Variants in SENP7 observed in about 807,000 individuals in gnomAD.
The protein encoded by SENP7 is SUMO specific peptidase 7.
Under a neutral mutation model 141.2 loss-of-function variants are expected in SENP7, and 64 were observed. The observed-to-expected ratio is 0.45, with a 90% CI of 0.37 to 0.56. SENP7 has a LOEUF of 0.56. Ranked by LOEUF, SENP7 falls within the 20% of genes least tolerant of loss-of-function variation. The pLI is 0.00. For synonymous variants in SENP7, 382 were observed against 426.4 expected (o/e 0.90, Z 1.28); for missense variants, 1,025 against 1,212.2 (o/e 0.85, Z 2.29).
intron 6 of SENP7, among the ~76,000 whole-genome samples, chr3:101,378,925 C>G (rs1270640965): frequency 6.6e-6 from 1 of 151,806 alleles, no homozygotes; most frequent in African/African-American, 2.4e-5. Flanking sequence ...GAAAAAAAAC[C>G]TACCAATAAA....
intron 4 of SENP7, among the ~76,000 whole-genome samples, chr3:101,440,581 T>TAAAAAAAAAA (rs58673443): frequency 1.6e-5 from 2 of 124,910 alleles, no homozygotes; most frequent in Non-Finnish European, 1.7e-5. Flanking sequence ...AAAAATAAAT[T>TAAAAAAAAAA]AAAAAAAAAA....
intron 11 of SENP7, among the ~76,000 whole-genome samples, chr3:101,356,053 T>C (rs2059734099): frequency 6.6e-6 from 1 of 152,312 alleles, no homozygotes; most frequent in East Asian, 1.9e-4. Flanking sequence ...TTTTTTTTAA[T>C]GTACTGCATT....
At chr3:101,443,617 T>C (rs939325449) in intron 4 of SENP7, among the ~76,000 whole-genome samples, 3 of 151,620 alleles carry the variant, frequency 2.0e-5, no homozygotes, top group African/African-American at 7.3e-5. Flanking sequence ...GTATCCTCTT[T>C]TATTTCATTG....
At chr3:101,348,953 A>T (rs1435593558) in intron 12 of SENP7, among the ~76,000 whole-genome samples, 1 of 152,118 alleles carries the variant, frequency 6.6e-6, no homozygotes, top group African/African-American at 2.4e-5. Context: ...TCCCAGCATT[A>T]TTTCCTAGAA....
intron 6 of SENP7, among the ~76,000 whole-genome samples, chr3:101,380,705 T>C (rs773216604): frequency 1.9e-4 from 28 of 145,958 alleles, no homozygotes; most frequent in Non-Finnish European, 3.6e-4. Flanking sequence ...TAAAGAAAAA[T>C]AGTAGTATAA....
At chr3:101,511,075 G>A (rs1283424736) in intron 1 of SENP7, among the ~76,000 whole-genome samples, 2 of 152,082 alleles carry the variant, frequency 1.3e-5, no homozygotes, top group East Asian at 3.8e-4. Flanking sequence ...AGAACAGCTA[G>A]GTAACATTAG....
chr3:101,381,011 G>A (rs899115935), intron 6 of SENP7, among the ~76,000 whole-genome samples: 4 of 152,158 alleles, frequency 2.6e-5, no homozygotes, highest in Non-Finnish European at 5.9e-5. Flanking sequence ...TGCATGCCAT[G>A]TAATACATAT....
intron 4 of SENP7, among the ~76,000 whole-genome samples, chr3:101,443,127 T>A (rs1219980448): frequency 6.6e-6 from 1 of 152,174 alleles, no homozygotes; most frequent in East Asian, 1.9e-4. Flanking sequence ...GATTTTTGTA[T>A]AAGGTGTAAG....
At chr3:101,357,069 C>T (rs1026133021) in intron 11 of SENP7, among the ~76,000 whole-genome samples, 2 of 151,860 alleles carry the variant, frequency 1.3e-5, no homozygotes, top group Non-Finnish European at 2.9e-5. Context: ...GGCGCAATCT[C>T]GGCTCACTGC....
chr3:101,444,916 ATAAAAAT>A (rs1350260561), intron 4 of SENP7, among the ~76,000 whole-genome samples: 1 of 151,164 alleles, frequency 6.6e-6, no homozygotes, highest in African/African-American at 2.5e-5. Flanking sequence ...GAATAAATAA[ATAAAAAT>A]AATAATAGCT....
At chr3:101,461,955 C>T (rs1012813391) in intron 3 of SENP7, among the ~76,000 whole-genome samples, 3 of 152,078 alleles carry the variant, frequency 2.0e-5, no homozygotes, top group Admixed American at 1.3e-4. Context: ...ATATCTAGAA[C>T]AGGAAAATCC....
Position 101,368,346 on chromosome 3 carries a change from A to AG in SENP7, c.797-336dup, listed in dbSNP as rs200986116. Among the ~76,000 whole-genome samples the AG allele has an allele frequency of 6.8e-3, 1,026 of 151,774 alleles. 8 individuals carry two copies. Among genetic ancestry groups the AG allele is most frequent in the African/African-American group, 0.024 (980 of 41,390 alleles). On this transcript the variant is annotated intron_variant, in intron 7 of 23. Coordinates refer to ENST00000394095, the MANE Select transcript of SENP7 (RefSeq NM_020654.5). ...ATTTGGCTGTACTATCAAAAAAAAA[A>AG]GGGGATTAAGAAAATGTGGCCCATA...
intron 4 of SENP7, among the ~76,000 whole-genome samples, chr3:101,425,550 C>T (rs191728448): frequency 2.9e-4 from 44 of 152,306 alleles, no homozygotes; most frequent in Admixed American, 2.4e-3. Context: ...CTTAAGCCCA[C>T]AAAGATGAGA....
intron 3 of SENP7, among the ~76,000 whole-genome samples, chr3:101,468,357 A>G (rs571025262): frequency 6.6e-6 from 1 of 152,328 alleles, no homozygotes; most frequent in South Asian, 2.1e-4. Context: ...AATACAGAGA[A>G]CACCACAAAG....
intron 4 of SENP7, chr3:101,457,439 C>A: frequency 6.3e-7 from 1 of 1,587,504 alleles, no homozygotes. Context: ...CTGTCAGCTG[C>A]TTTGTCTCGG....
intron 6 of SENP7, among the ~76,000 whole-genome samples, chr3:101,381,868 A>G (rs1418959891): frequency 6.6e-6 from 1 of 152,224 alleles, no homozygotes; most frequent in Non-Finnish European, 1.5e-5. Flanking sequence ...AAAATAGAGT[A>G]TCTTCTTTAG....
At chr3:101,350,969 T>C (rs2107267968) in intron 12 of SENP7, among the ~76,000 whole-genome samples, 1 of 152,130 alleles carries the variant, frequency 6.6e-6, no homozygotes, top group East Asian at 1.9e-4. Flanking sequence ...TAAATCCAAC[T>C]AATCCAACTA....
intron 5 of SENP7, chr3:101,414,593 C>A (rs2061554617): frequency 1.9e-6 from 3 of 1,605,052 alleles, no homozygotes; most frequent in African/African-American, 1.3e-5. Context: ...CCAACTATGA[C>A]CAAGAAGATG....
intron 22 of SENP7, 121 bp from the exon 23 acceptor site, chr3:101,327,937 C>G: frequency 1.3e-6 from 1 of 751,244 alleles, no homozygotes; most frequent in South Asian, 2.2e-5. Flanking sequence ...AATTTCCACA[C>G]TGAATTTTAG....
Sources: gnomAD v4.1 joint callset for allele counts (sites outside exome capture counted in the v4.1 genomes callset) on GRCh38, gnomAD v4.1.1 for gene constraint, MANE v1.5 for transcripts, NCBI Gene and HGNC (gene_info 2026-07-23, HGNC 2026-07-21) for gene names.